The following UBE2E3 variants were observed in gnomAD, a reference collection of about 807,000 sequenced individuals.
The protein encoded by UBE2E3 is ubiquitin-conjugating enzyme E2 E3.
Under a neutral mutation model 23.6 loss-of-function variants are expected in UBE2E3, and 5 were observed. The observed-to-expected ratio is 0.21, with a 90% CI of 0.11 to 0.44. The LOEUF is 0.44. Among genes scored for constraint, UBE2E3 ranks in the 20% least tolerant of loss-of-function variants. UBE2E3 has a pLI of 0.99. For missense variants in UBE2E3, 81 were observed against 249.8 expected (o/e 0.32, Z 4.55); for synonymous variants, 78 against 87.5 (o/e 0.89, Z 0.60).
intron 3 of UBE2E3, among the ~76,000 whole-genome samples, chr2:180,985,078 T>C (rs1396978706): frequency 2.0e-5 from 3 of 152,150 alleles, no homozygotes; most frequent in Admixed American, 2.0e-4. Flanking sequence ...GCTTGTGATA[T>C]AATAGGGTAT....
At chr2:181,054,909 G>A (rs975618730) in intron 3 of UBE2E3, among the ~76,000 whole-genome samples, 1 of 151,754 alleles carries the variant, frequency 6.6e-6, no homozygotes, top group African/African-American at 2.4e-5. Context: ...AGAACGAGGG[G>A]CCAGGAAATG....
intron 3 of UBE2E3, among the ~76,000 whole-genome samples, chr2:181,027,572 G>A (rs1342495115): frequency 6.6e-6 from 1 of 151,916 alleles, no homozygotes; most frequent in Middle Eastern, 3.2e-3. Flanking sequence ...GCATTATGGA[G>A]ATTAGAAATT....
chr2:181,024,680 A>G (rs1046025102), intron 3 of UBE2E3, among the ~76,000 whole-genome samples: 1 of 152,052 alleles, frequency 6.6e-6, no homozygotes, highest in Admixed American at 6.6e-5. Context: ...TAAAGCTGAA[A>G]ATTTTAGTGA....
Position 180,980,680 on chromosome 2 carries a change from C to G in UBE2E3, c.-319C>G, listed in dbSNP as rs1168618537. On this transcript the variant is annotated 5_prime_UTR_variant, in exon 1 of 6. Coordinates refer to ENST00000410062, the MANE Select transcript of UBE2E3 (RefSeq NM_006357.4). This position sits in a 1 kb window ranked among gnomAD's most constrained non-coding sequence, Gnocchi z 5.5. ...GGGAGGCTACAGCGCGCGGGGGTCT[C>G]CCGCGTCCCCTCCGCCTCGCCGGGA... 1 of 147,250 alleles carries G rather than the reference C, an allele frequency of 6.8e-6. No individual in the cohort carries two copies. The highest frequency in any genetic ancestry group is 6.7e-5 in the Admixed American group (1 of 14,906). 9.1% of individuals were successfully genotyped at this position (147,250 alleles called of 1,614,324 possible). A position where few individuals can be genotyped will look rare whatever the true frequency, so the allele number is the denominator to read the frequency against.
At chr2:181,033,758 A>C (rs1484748378) in intron 3 of UBE2E3, among the ~76,000 whole-genome samples, 1 of 152,218 alleles carries the variant, frequency 6.6e-6, no homozygotes, top group African/African-American at 2.4e-5. Flanking sequence ...ACAGAATGGG[A>C]GAAAATTTTT....
intron 3 of UBE2E3, among the ~76,000 whole-genome samples, chr2:181,020,333 T>C (rs75127372): frequency 0.039 from 6,008 of 152,246 alleles, 220 homozygotes; most frequent in African/African-American, 0.094. Context: ...CTGTCTCTCT[T>C]CTCTTCTTGT....
intron 3 of UBE2E3, among the ~76,000 whole-genome samples, chr2:181,011,720 A>G (rs569402488): frequency 2.0e-5 from 3 of 152,268 alleles, no homozygotes; most frequent in African/African-American, 7.2e-5. Flanking sequence ...TTAATCATTC[A>G]GGTCCTCTGG....
intron 3 of UBE2E3, among the ~76,000 whole-genome samples, chr2:180,997,223 A>C (rs138567868): frequency 5.3e-5 from 8 of 151,272 alleles, no homozygotes; most frequent in Non-Finnish European, 8.9e-5. Context: ...ATTATCCACT[A>C]TCCAGCTTCC....
At chr2:181,018,232 A>C (rs889820277) in intron 3 of UBE2E3, among the ~76,000 whole-genome samples, 2 of 152,174 alleles carry the variant, frequency 1.3e-5, no homozygotes, top group African/African-American at 4.8e-5. Flanking sequence ...AAATATAAAG[A>C]ACACTAATTA....
At chr2:181,029,591 T>G (rs1246397568) in intron 3 of UBE2E3, among the ~76,000 whole-genome samples, 5 of 151,914 alleles carry the variant, frequency 3.3e-5, no homozygotes, top group Admixed American at 3.3e-4. Context: ...CAACCTTGTA[T>G]AAATGTTCTT....
chr2:181,035,574 T>C (rs1437148642), intron 3 of UBE2E3, among the ~76,000 whole-genome samples: 1 of 152,214 alleles, frequency 6.6e-6, no homozygotes, highest in Non-Finnish European at 1.5e-5. Flanking sequence ...ATATTAGTAA[T>C]GATACATAGC....
At chr2:181,015,675 G>T (rs1484865950) in intron 3 of UBE2E3, among the ~76,000 whole-genome samples, 2 of 152,024 alleles carry the variant, frequency 1.3e-5, no homozygotes, top group African/African-American at 4.8e-5. Flanking sequence ...ATTGGTTTTA[G>T]GAAGTCACTA....
chr2:181,007,141 C>T (rs772016951), intron 3 of UBE2E3, among the ~76,000 whole-genome samples: 5 of 152,028 alleles, frequency 3.3e-5, no homozygotes, highest in Non-Finnish European at 7.4e-5. Context: ...TCTGTGGTGA[C>T]TTTATTAGTG....
At chr2:181,050,555 C>T (rs887937361) in intron 3 of UBE2E3, among the ~76,000 whole-genome samples, 19 of 151,812 alleles carry the variant, frequency 1.3e-4, no homozygotes, top group African/African-American at 1.7e-4. Flanking sequence ...ACCTTTAGTA[C>T]GTGATTAGAT....
intron 3 of UBE2E3, among the ~76,000 whole-genome samples, chr2:181,024,023 C>G (rs1482171030): frequency 2.6e-5 from 4 of 152,028 alleles, no homozygotes; most frequent in Non-Finnish European, 5.9e-5. Context: ...GTAACCTCTC[C>G]CAGTACTCAT....
Position 181,062,953 on chromosome 2 carries a change from A to T in UBE2E3, c.*65A>T. The T allele has an allele frequency of 9.8e-7, 1 of 1,022,638 alleles. No homozygotes were observed. Among genetic ancestry groups the T allele is most frequent in the Middle Eastern group, 2.1e-4 (1 of 4,762 alleles). 63.3% of individuals were successfully genotyped at this position (1,022,638 alleles called of 1,614,324 possible). On this transcript the variant is annotated 3_prime_UTR_variant, in exon 6 of 6. Transcript: ENST00000410062. Reference sequence around the variant, plus strand: ...TCTTCTCACTGTGCTGCAAATCTTTATAGCCTTTACAATACGGACTTCTGT... The same window carrying T: ...TCTTCTCACTGTGCTGCAAATCTTTTTAGCCTTTACAATACGGACTTCTGT...
intron 3 of UBE2E3, among the ~76,000 whole-genome samples, chr2:181,036,421 A>G (rs1257443280): frequency 1.3e-5 from 2 of 152,244 alleles, no homozygotes; most frequent in African/African-American, 4.8e-5. Context: ...TACAACGTTC[A>G]TGAGGAAAAA....
At chr2:180,989,851 G>A (rs1212773875) in intron 3 of UBE2E3, 4 of 1,531,062 alleles carry the variant, frequency 2.6e-6, no homozygotes, top group Non-Finnish European at 3.5e-6. Flanking sequence ...ATGAGTTGCT[G>A]TAACAACAGA....
At chr2:181,033,583 G>A in intron 3 of UBE2E3, among the ~76,000 whole-genome samples, 1 of 152,114 alleles carries the variant, frequency 6.6e-6, no homozygotes, top group Non-Finnish European at 1.5e-5. Flanking sequence ...AACCCTAGAA[G>A]AAAACCTAGG....
Sources: allele counts gnomAD v4.1 joint callset (sites outside exome capture counted in the v4.1 genomes callset), GRCh38; gene constraint gnomAD v4.1.1; non-coding constraint Gnocchi (gnomAD v3.1); transcripts MANE v1.5; gene names NCBI Gene and HGNC (gene_info 2026-07-23, HGNC 2026-07-21).